The following KLRG1 variants were observed in gnomAD, a reference collection of about 807,000 sequenced individuals.
The protein encoded by KLRG1 is killer cell lectin like receptor G1.
In KLRG1, 16 loss-of-function variants were observed where a neutral mutation model predicts 21.8. The observed-to-expected ratio is 0.73, with a 90% CI of 0.50 to 1.11. The LOEUF (loss-of-function observed/expected upper bound fraction) is 1.11. Among genes scored for constraint, KLRG1 ranks in the 50% most tolerant of loss-of-function variants. The pLI is 0.00. For missense variants in KLRG1, 173 were observed against 218.3 expected, an observed-to-expected ratio of 0.79 and a Z score of 1.31; for synonymous variants, 69 against 75.9, an observed-to-expected ratio of 0.91 and a Z score of 0.47.
chr12:8,966,971 G>A (rs1946483584), intron 1 of KLRG1, among the ~76,000 whole-genome samples: 1 of 147,720 alleles, frequency 6.8e-6, no homozygotes, highest in Admixed American at 6.8e-5. Flanking sequence ...TTAAGAAAAT[G>A]TGGCACATAT....
At chr12:9,093,011 G>A in the KLRG1 span, among the ~76,000 whole-genome samples, 1 of 152,222 alleles carries the variant, frequency 6.6e-6, no homozygotes, top group Non-Finnish European at 1.5e-5. Context: ...CACAGGACAA[G>A]TACTGCGTGA....
the KLRG1 span, chr12:9,149,434 G>T: frequency 3.3e-6 from 3 of 903,052 alleles, no homozygotes; most frequent in Non-Finnish European, 5.0e-6. Flanking sequence ...GTTTTGTCTT[G>T]GTGTGAGGAC....
chr12:9,181,137 G>A, the KLRG1 span: 1 of 1,613,906 alleles, frequency 6.2e-7, no homozygotes, highest in South Asian at 1.1e-5. Context: ...ATCCACCTGT[G>A]GGAAATGAAG....
the KLRG1 span, chr12:9,099,288 T>C: frequency 1.6e-6 from 2 of 1,227,074 alleles, no homozygotes; most frequent in Non-Finnish European, 2.3e-6. Context: ...TGTTTAACCC[T>C]TTTGGCCCTA....
the KLRG1 span, chr12:9,077,292 C>A: frequency 6.7e-7 from 1 of 1,484,850 alleles, no homozygotes; most frequent in Non-Finnish European, 9.3e-7. Context: ...AGCAGGTCAG[C>A]AGTTTCATTG....
chr12:9,159,213 C>T, the KLRG1 span, among the ~76,000 whole-genome samples: 1 of 151,962 alleles, frequency 6.6e-6, no homozygotes, highest in Admixed American at 6.6e-5. Flanking sequence ...TATAATGTTC[C>T]CTTAGCAACA....
the KLRG1 span, chr12:9,110,293 G>GGAAT: frequency 1.4e-6 from 2 of 1,460,710 alleles, no homozygotes; most frequent in Middle Eastern, 3.4e-4. Context: ...CTTTTAATAT[G>GGAAT]GAATGTTTCA....
chr12:9,020,706 A>G, the KLRG1 span, among the ~76,000 whole-genome samples: 4 of 152,232 alleles, frequency 2.6e-5, no homozygotes, highest in Admixed American at 6.5e-5. Flanking sequence ...GGCTATTAAA[A>G]ATAAAGCTGT....
At chr12:9,047,898 A>G in the KLRG1 span, among the ~76,000 whole-genome samples, 1 of 152,196 alleles carries the variant, frequency 6.6e-6, no homozygotes, top group African/African-American at 2.4e-5. Context: ...TGCAAGGGAA[A>G]ATATACAAGT....
the KLRG1 span, among the ~76,000 whole-genome samples, chr12:9,033,216 C>T: frequency 1.1e-4 from 16 of 152,212 alleles, no homozygotes; most frequent in African/African-American, 3.9e-4. Flanking sequence ...GAGGGAAGAT[C>T]GCTTGAGCTT....
At chr12:9,103,908 G>A in the KLRG1 span, among the ~76,000 whole-genome samples, 1 of 152,190 alleles carries the variant, frequency 6.6e-6, no homozygotes, top group African/African-American at 2.4e-5. Flanking sequence ...CCCCGTTTTC[G>A]ATTCTTTTGA....
At chr12:9,106,477 T>C in the KLRG1 span, 4 of 1,526,294 alleles carry the variant, frequency 2.6e-6, no homozygotes, top group Non-Finnish European at 1.8e-6. Flanking sequence ...CTTATACCCA[T>C]GTAGTACACA....
chr12:9,187,223 C>G, the KLRG1 span, among the ~76,000 whole-genome samples: 4 of 152,094 alleles, frequency 2.6e-5, no homozygotes, highest in Admixed American at 1.3e-4. Context: ...CAAAGAGACT[C>G]AGACTCCCAC....
chr12:9,151,562 A>T, the KLRG1 span: 4 of 1,541,902 alleles, frequency 2.6e-6, no homozygotes, highest in Non-Finnish European at 3.6e-6. Context: ...ACTTAGAAAG[A>T]CGACCCATAT....
At chr12:9,144,549 G>A in the KLRG1 span, among the ~76,000 whole-genome samples, 351 of 151,912 alleles carry the variant, frequency 2.3e-3, no homozygotes, top group Middle Eastern at 0.017. Flanking sequence ...AAAGAAACAC[G>A]ATTAGTGGCT....
At chr12:9,036,774 T>A in the KLRG1 span, 1 of 382,028 alleles carries the variant, frequency 2.6e-6, no homozygotes, top group African/African-American at 2.1e-5. Context: ...TAATTTTGAT[T>A]TTGCTGGACC....
In KLRG1 at chr12:9,009,456, C is replaced by T. The variant is rs145154967; in HGVS notation, c.489C>T (p.Cys163=). 84 of 1,613,646 alleles carry T rather than the reference C, an allele frequency of 5.2e-5. No homozygotes were observed. Among genetic ancestry groups the T allele is most frequent in the Middle Eastern group, 1.6e-4 (1 of 6,084 alleles). The change falls in exon 5 of 5, where the codon TGC becomes TGT. Residue 163 remains cysteine (C), a synonymous_variant. Transcript: ENST00000356986. ...CTTCTAATAGCTTTGTGCAGACATG[C>T]GGTGCCATCAACAAAAATGGTCTTC... is the stretch of plus-strand genomic sequence containing the variant. The part of the protein sequence containing the change: ...RISSNSFVQT[C]GAINKNGLQA...
the KLRG1 span, among the ~76,000 whole-genome samples, chr12:9,043,922 AG>A: frequency 6.6e-6 from 1 of 152,206 alleles, no homozygotes; most frequent in South Asian, 2.1e-4. Flanking sequence ...GCAGGGAGAG[AG>A]AGAACAAGCA....
the KLRG1 span, chr12:9,180,871 A>G: frequency 6.6e-5 from 80 of 1,203,252 alleles, no homozygotes; most frequent in Middle Eastern, 3.0e-4. Flanking sequence ...GCAACCTACA[A>G]AATGGGAGAA....
Sources: gnomAD v4.1 joint callset for allele counts (sites outside exome capture counted in the v4.1 genomes callset) on GRCh38, gnomAD v4.1.1 for gene constraint, MANE v1.5 for transcripts, NCBI Gene and HGNC (gene_info 2026-07-23, HGNC 2026-07-21) for gene names.